TRAPPC9: variants seen among roughly 807,000 people sequenced by gnomAD.
TRAPPC9 encodes the protein IKK2 binding protein.
A neutral mutation model predicts 124.0 loss-of-function variants in TRAPPC9; 83 were observed. The observed-to-expected ratio is 0.67, with a 90% CI of 0.56 to 0.80. The LOEUF (loss-of-function observed/expected upper bound fraction) is 0.80. Ranked by LOEUF, TRAPPC9 falls within the 30% of genes least tolerant of loss-of-function variation. The pLI is 0.00. For synonymous variants in TRAPPC9, 638 were observed against 617.5 expected (o/e 1.03, Z -0.49); for missense variants, 1,302 against 1,508.3 (o/e 0.86, Z 2.27).
At chr8:139,865,387 T>C (rs1828454499) in intron 21 of TRAPPC9, among the ~76,000 whole-genome samples, 2 of 152,198 alleles carry the variant, frequency 1.3e-5, no homozygotes, top group Admixed American at 6.5e-5. Context: ...AGGCTTACTA[T>C]AGACCACTCA....
chr8:139,973,155 G>A (rs1314515376), intron 19 of TRAPPC9, among the ~76,000 whole-genome samples: 1 of 152,216 alleles, frequency 6.6e-6, no homozygotes, highest in Non-Finnish European at 1.5e-5. Context: ...ATAGACAAAC[G>A]TTTAGCAAGT....
chr8:139,737,098 C>T (rs1225026456), intron 21 of TRAPPC9, among the ~76,000 whole-genome samples: 1 of 152,214 alleles, frequency 6.6e-6, no homozygotes, highest in Non-Finnish European at 1.5e-5. Context: ...CACGTGAAAG[C>T]GCGGGTGCTG....
intron 17 of TRAPPC9, among the ~76,000 whole-genome samples, chr8:140,107,401 A>G (rs1291282451): frequency 6.6e-6 from 1 of 152,250 alleles, no homozygotes; most frequent in African/African-American, 2.4e-5. Context: ...TGCTAAGACC[A>G]GAACATCAAG....
At chr8:140,320,435 TC>T (rs1193096549) in intron 9 of TRAPPC9, among the ~76,000 whole-genome samples, 3 of 152,070 alleles carry the variant, frequency 2.0e-5, no homozygotes, top group Admixed American at 2.0e-4. Context: ...ACAGCTTCCT[TC>T]CCAGACACAG....
intron 17 of TRAPPC9, among the ~76,000 whole-genome samples, chr8:140,154,233 T>C (rs967894731): frequency 6.6e-6 from 1 of 152,196 alleles, no homozygotes; most frequent in Non-Finnish European, 1.5e-5. Context: ...CTGTGAGCCA[T>C]TACTGATTTC....
chr8:140,196,499 C>T (rs560233918), intron 17 of TRAPPC9, among the ~76,000 whole-genome samples: 4 of 39,124 alleles, frequency 1.0e-4, no homozygotes, highest in South Asian at 8.7e-4. Flanking sequence ...ACACACTCAA[C>T]GATCCACCAT....
chr8:140,296,990 GC>G (rs1458311891), intron 11 of TRAPPC9, among the ~76,000 whole-genome samples: 4 of 152,252 alleles, frequency 2.6e-5, no homozygotes, highest in African/African-American at 9.6e-5. Flanking sequence ...CCTGAGGGTG[GC>G]CTGCCCATCC....
intron 5 of TRAPPC9, among the ~76,000 whole-genome samples, chr8:140,420,059 G>A (rs2070148421): frequency 6.6e-6 from 1 of 152,072 alleles, no homozygotes; most frequent in Non-Finnish European, 1.5e-5. Flanking sequence ...TACTTGCAAT[G>A]AACCATGTGA....
intron 17 of TRAPPC9, among the ~76,000 whole-genome samples, chr8:140,036,076 T>C (rs4320529): frequency 0.55 from 83,655 of 152,180 alleles, 23,240 homozygotes; most frequent in Middle Eastern, 0.69. Flanking sequence ...CGAGGGTCCA[T>C]GTGGCGGGGC....
intron 5 of TRAPPC9, 73 bp downstream of exon 5, chr8:140,426,542 C>A: frequency 7.2e-7 from 1 of 1,387,514 alleles, no homozygotes; most frequent in South Asian, 1.2e-5. Context: ...AAATTTTAAC[C>A]ATTCATTCAC....
chr8:139,774,114 G>A (rs563782141), intron 21 of TRAPPC9, among the ~76,000 whole-genome samples: 148 of 152,326 alleles, frequency 9.7e-4, no homozygotes, highest in African/African-American at 3.4e-3. Context: ...GGACGCGGGC[G>A]AAGGCCACTG....
chr8:140,194,650 TC>T (rs2062592413), intron 17 of TRAPPC9, among the ~76,000 whole-genome samples: 1 of 152,086 alleles, frequency 6.6e-6, no homozygotes, highest in Non-Finnish European at 1.5e-5. Context: ...GACTGGAAGG[TC>T]CCAAAGGAAC....
intron 21 of TRAPPC9, among the ~76,000 whole-genome samples, chr8:139,748,180 C>T (rs189887063): frequency 9.2e-4 from 35 of 38,048 alleles, no homozygotes; most frequent in Admixed American, 2.1e-3. Context: ...GGGGGTGTCC[C>T]GGGGTCAGAG....
At chr8:139,856,751 C>T (rs1236459657) in intron 21 of TRAPPC9, among the ~76,000 whole-genome samples, 2 of 146,540 alleles carry the variant, frequency 1.4e-5, no homozygotes, top group Admixed American at 1.3e-4. Context: ...AAAAAAAAAA[C>T]CCAAGTGTTG....
chr8:139,932,271 C>T (rs1254823900), intron 19 of TRAPPC9: 1 of 455,476 alleles, frequency 2.2e-6, no homozygotes, highest in South Asian at 1.6e-5. Flanking sequence ...CGGGGCCTCG[C>T]TCAGGGTAGC....
At chr8:139,805,971 G>T (rs1213659956) in intron 21 of TRAPPC9, among the ~76,000 whole-genome samples, 2 of 152,258 alleles carry the variant, frequency 1.3e-5, no homozygotes. Flanking sequence ...TTCAGAGGCA[G>T]GGGTGTGCGC....
At position 140,162,044 on chromosome 8, in the gene TRAPPC9, C is replaced by T. The variant is rs530605093; in HGVS notation, c.2556+59415G>A. 1.5e-4 allele frequency among the ~76,000 whole-genome samples: 23 copies of T among 152,270 alleles called. 1 individual carries two copies. In the East Asian group the frequency reaches 2.9e-3, roughly 19 times the overall value. Reference sequence around the variant, plus strand: ...GCTGCCCGCAGCAGCCCCAGCAGACCGGTTAGGACACTAGTCCTGAGCTGT... The same window carrying T: ...GCTGCCCGCAGCAGCCCCAGCAGACTGGTTAGGACACTAGTCCTGAGCTGT... On this transcript the variant is annotated intron_variant, in intron 17 of 22. Coordinates refer to ENST00000438773, the MANE Select transcript of TRAPPC9 (RefSeq NM_001160372.4).
chr8:139,775,453 C>G (rs896288043), intron 21 of TRAPPC9, among the ~76,000 whole-genome samples: 1 of 152,234 alleles, frequency 6.6e-6, no homozygotes, highest in African/African-American at 2.4e-5. Context: ...AGGCCTTTGG[C>G]CTGGGCTGGG....
At chr8:139,894,569 G>A (rs1392690204) in intron 20 of TRAPPC9, among the ~76,000 whole-genome samples, 1 of 152,108 alleles carries the variant, frequency 6.6e-6, no homozygotes, top group Non-Finnish European at 1.5e-5. Context: ...GGAGGGGGGG[G>A]CTGCTGCTTC....
Sources: allele counts gnomAD v4.1 joint callset (sites outside exome capture counted in the v4.1 genomes callset), GRCh38; gene constraint gnomAD v4.1.1; transcripts MANE v1.5; gene names NCBI Gene and HGNC (gene_info 2026-07-23, HGNC 2026-07-21).